AVEN: variants seen among roughly 807,000 people sequenced by gnomAD.
AVEN encodes the protein apoptosis and caspase activation inhibitor, also known as cell death regulator Aven.
AVEN carries 41 observed loss-of-function variants against 38.1 expected under a neutral mutation model. The ratio of observed to expected loss-of-function variants is 1.08; its 90% confidence interval spans 0.84 to 1.40. AVEN has a LOEUF of 1.40. AVEN is among the 40% of genes most tolerant of loss of function. AVEN has a pLI of 0.00. For synonymous variants in AVEN, 206 were observed against 171.8 expected (o/e 1.20, Z -1.56); for missense variants, 605 against 438.8 (o/e 1.38, Z -3.38).
At position 34,063,785 on chromosome 15, in the gene AVEN, T is replaced by C. The variant is rs780104064; in HGVS notation, n.1127-353A>G. On this transcript the variant is annotated intron_variant and non_coding_transcript_variant, in intron 4 of 11. Transcript: ENST00000675287. This position sits in a 1 kb window ranked among gnomAD's most constrained non-coding sequence, Gnocchi z 4.1. Reference sequence around the variant, plus strand: ...AAGCTGAAACTGAAAAAAGTGACTATGACACCCCAAACTACCTTCTGTCTC... The same window carrying C: ...AAGCTGAAACTGAAAAAAGTGACTACGACACCCCAAACTACCTTCTGTCTC... 9.9e-6 allele frequency: 16 copies of C among 1,614,112 alleles called. No individual in the cohort carries two copies. Among genetic ancestry groups the C allele is most frequent in the Non-Finnish European group, 1.4e-5 (16 of 1,180,046 alleles).
intron 2 of AVEN, among the ~76,000 whole-genome samples, chr15:33,908,779 A>C (rs1031499909): frequency 6.6e-6 from 1 of 152,204 alleles, no homozygotes; most frequent in Non-Finnish European, 1.5e-5. Flanking sequence ...TGTATAAATC[A>C]ATATTTTAAA....
At chr15:34,022,311 T>A (rs887113818) in intron 1 of AVEN, among the ~76,000 whole-genome samples, 2 of 152,184 alleles carry the variant, frequency 1.3e-5, no homozygotes, top group African/African-American at 4.8e-5. Flanking sequence ...ATTTTCCCCA[T>A]GACAAGACAG....
intron 2 of AVEN, among the ~76,000 whole-genome samples, chr15:33,986,245 T>C (rs1288914419): frequency 6.6e-6 from 1 of 152,036 alleles, no homozygotes; most frequent in Non-Finnish European, 1.5e-5. Flanking sequence ...TAGCTGGGAC[T>C]ACAGGCACCT....
chr15:34,003,166 T>A lies in AVEN; in HGVS notation c.311A>T (p.Asp104Val). Reference protein sequence around the residue: ...SDAETYGEENDEQGNYSKRKI... With the variant: ...SDAETYGEENVEQGNYSKRKI... ...TCTTTTAGAATAATTTCCCTGTTCA[T>A]CATTCTCTTCTCCATAGGTCTCTGC... Residue 104 changes from aspartate (D) to valine (V), a missense_variant, in exon 2 of 6, where the codon GAT (aspartate) becomes GTT (valine). Coordinates refer to ENST00000306730, the MANE Select transcript of AVEN (RefSeq NM_020371.3). 6.2e-7 allele frequency: 1 copy of A among 1,613,808 alleles called. No individual in the cohort carries two copies. Among genetic ancestry groups the A allele is most frequent in the Non-Finnish European group, 8.5e-7 (1 of 1,179,888 alleles).
intron 2 of AVEN, among the ~76,000 whole-genome samples, chr15:33,913,136 G>A (rs567048820): frequency 3.9e-5 from 6 of 152,202 alleles, no homozygotes; most frequent in Admixed American, 3.3e-4. Flanking sequence ...TGATTCACCC[G>A]CCTCGGCCTC....
At chr15:34,025,345 C>T (rs1898408686) in intron 1 of AVEN, among the ~76,000 whole-genome samples, 1 of 152,092 alleles carries the variant, frequency 6.6e-6, no homozygotes, top group Admixed American at 6.6e-5. Flanking sequence ...CTTATAAAAT[C>T]GACAAGAAGT....
At chr15:33,952,142 G>A (rs538031291) in intron 2 of AVEN, among the ~76,000 whole-genome samples, 7 of 152,190 alleles carry the variant, frequency 4.6e-5, no homozygotes, top group East Asian at 1.9e-4. Flanking sequence ...ATAAATCTGC[G>A]CCAAGGTGGA....
At chr15:34,014,647 T>C (rs1177958117) in intron 1 of AVEN, among the ~76,000 whole-genome samples, 2 of 152,178 alleles carry the variant, frequency 1.3e-5, no homozygotes, top group Admixed American at 6.5e-5. Flanking sequence ...CAATGCAGCA[T>C]CTGACAGACC....
At chr15:33,995,309 A>C (rs933214273) in intron 2 of AVEN, among the ~76,000 whole-genome samples, 42 of 152,184 alleles carry the variant, frequency 2.8e-4, no homozygotes, top group African/African-American at 9.9e-4. Flanking sequence ...ATAACAATAC[A>C]ACAATAAAAA....
intron 4 of AVEN, chr15:34,064,626 A>G (rs866160982): frequency 2.9e-5 from 10 of 340,536 alleles, no homozygotes; most frequent in Middle Eastern, 1.8e-3. Flanking sequence ...ACAGTGACTC[A>G]GGGAACTTAT....
intron 2 of AVEN, among the ~76,000 whole-genome samples, chr15:33,897,288 TA>T (rs1258088374): frequency 2.6e-5 from 1 of 38,080 alleles, no homozygotes; most frequent in African/African-American, 1.7e-4. Context: ...TCAATAAACA[TA>T]AATTAATTAA....
At chr15:33,894,106 C>T (rs1381353047) in intron 2 of AVEN, among the ~76,000 whole-genome samples, 1 of 152,010 alleles carries the variant, frequency 6.6e-6, no homozygotes, top group Admixed American at 6.6e-5. Context: ...AGCACAACCA[C>T]ACCCGGCTAA....
intron 2 of AVEN, among the ~76,000 whole-genome samples, chr15:33,990,208 A>C (rs555715378): frequency 7.4e-4 from 112 of 151,736 alleles, no homozygotes; most frequent in African/African-American, 1.5e-3. Context: ...CGTCTCAAAA[A>C]AAAACAAAAC....
chr15:33,983,150 G>GTGTA (rs1896234246), intron 2 of AVEN, among the ~76,000 whole-genome samples: 1 of 104,138 alleles, frequency 9.6e-6, no homozygotes, highest in African/African-American at 6.5e-5. Flanking sequence ...GTGTGTGTGT[G>GTGTA]TGTGTGTGTA....
intron 2 of AVEN, among the ~76,000 whole-genome samples, chr15:33,949,136 G>T (rs1894625022): frequency 6.6e-6 from 1 of 152,116 alleles, no homozygotes; most frequent in Non-Finnish European, 1.5e-5. Context: ...CGATTCTCCT[G>T]CCTCAGCCTC....
chr15:33,980,193 G>T (rs1896073541), intron 2 of AVEN, among the ~76,000 whole-genome samples: 1 of 152,206 alleles, frequency 6.6e-6, no homozygotes, highest in African/African-American at 2.4e-5. Context: ...ATTAAAGTAT[G>T]TAAGTATGTC....
intron 2 of AVEN, among the ~76,000 whole-genome samples, chr15:33,903,426 G>A (rs568673981): frequency 2.6e-5 from 4 of 152,302 alleles, no homozygotes; most frequent in African/African-American, 9.6e-5. Context: ...CTCCCAGAGA[G>A]GTTGTAAGCT....
At chr15:33,898,267 C>A (rs1347585453) in intron 2 of AVEN, among the ~76,000 whole-genome samples, 1 of 152,212 alleles carries the variant, frequency 6.6e-6, no homozygotes, top group Non-Finnish European at 1.5e-5. Flanking sequence ...AAGCTCTTTA[C>A]CAACTTATAA....
At chr15:33,919,005 C>G (rs1215597914) in intron 2 of AVEN, among the ~76,000 whole-genome samples, 1 of 150,644 alleles carries the variant, frequency 6.6e-6, no homozygotes, top group Non-Finnish European at 1.5e-5. Flanking sequence ...ACTGCAACCT[C>G]CGCCTCCCAG....
Sources: gnomAD v4.1 joint callset for allele counts (sites outside exome capture counted in the v4.1 genomes callset) on GRCh38, gnomAD v4.1.1 for gene constraint, Gnocchi (gnomAD v3.1) non-coding constraint, MANE v1.5 for transcripts, NCBI Gene and HGNC (gene_info 2026-07-23, HGNC 2026-07-21) for gene names.